Variants in CACNA2D4 observed in about 807,000 individuals in gnomAD.
CACNA2D4 encodes the protein voltage-dependent calcium channel subunit alpha-2/delta-4.
Under a neutral mutation model 163.8 loss-of-function variants are expected in CACNA2D4, and 157 were observed. The observed-to-expected ratio is 0.96, with a 90% CI of 0.84 to 1.09. The LOEUF is 1.09. Among genes scored for constraint, CACNA2D4 ranks in the 50% least tolerant of loss-of-function variants. The pLI, the probability that CACNA2D4 is intolerant of heterozygous loss-of-function variation, is 0.00. For synonymous variants in CACNA2D4, 598 were observed against 586.9 expected, an observed-to-expected ratio of 1.02 and a Z score of -0.27; for missense variants, 1,410 against 1,479.9, an observed-to-expected ratio of 0.95 and a Z score of 0.78.
chr12:1,887,302 C>A (rs1866171701), intron 6 of CACNA2D4, among the ~76,000 whole-genome samples: 1 of 152,168 alleles, frequency 6.6e-6, no homozygotes, highest in Admixed American at 6.5e-5. Context: ...CAGGTAGGAC[C>A]ACATAGGTGG....
chr12:1,881,931 G>A (rs1407140461), intron 13 of CACNA2D4, among the ~76,000 whole-genome samples: 1 of 152,240 alleles, frequency 6.6e-6, no homozygotes, highest in East Asian at 1.9e-4. Context: ...TCAGAAGAAA[G>A]CTGACCATTG....
chr12:1,828,145 C>T lies in CACNA2D4; in HGVS notation c.2551+12594G>A. 3 of 1,540,048 alleles carry T rather than the reference C, an allele frequency of 1.9e-6. No homozygotes were observed. Among genetic ancestry groups the T allele is most frequent in the South Asian group, 1.2e-5 (1 of 82,866 alleles). On this transcript the variant is annotated intron_variant, in intron 26 of 37. Transcript: ENST00000382722. The surrounding 1 kb of genome is among the most constrained non-coding windows in gnomAD (Gnocchi z 4.2). ...ACAGGGCCCGGAGAGCCGTGGGCCT[C>T]ACCATGCTGGCGCCGGGCAGCAGCC... is the stretch of plus-strand genomic sequence containing the variant.
intron 35 of CACNA2D4, among the ~76,000 whole-genome samples, chr12:1,796,846 T>TCCGCGCGG (rs1000190343): frequency 1.3e-5 from 2 of 152,134 alleles, no homozygotes; most frequent in African/African-American, 4.8e-5. Context: ...GAGAGACCCT[T>TCCGCGCGG]CCGCGCGGCC....
At chr12:1,907,085 G>A (rs2470436) in intron 6 of CACNA2D4, among the ~76,000 whole-genome samples, 98,691 of 152,148 alleles carry the variant, frequency 0.65, 32,972 homozygotes, top group Non-Finnish European at 0.73. Context: ...CTCTTGGCGA[G>A]TGCGCCTCAT....
intron 19 of CACNA2D4, among the ~76,000 whole-genome samples, chr12:1,859,356 C>CA (rs917641077): frequency 9.2e-5 from 14 of 151,622 alleles, no homozygotes; most frequent in African/African-American, 3.4e-4. Context: ...GATCCTGTCT[C>CA]AAAAAAAACT....
Position 1,792,489 on chromosome 12 carries a change from T to C in CACNA2D4, c.*1166A>G, listed in dbSNP as rs1343912726. ...CCCCAAAAGCCCTGCATGCTGTCCA[T>C]ACCCATCACTGGGGTTTGTTAAATG... is the stretch of plus-strand genomic sequence containing the variant. On this transcript the variant is annotated 3_prime_UTR_variant, in exon 38 of 38. Coordinates refer to ENST00000382722, the MANE Select transcript of CACNA2D4 (RefSeq NM_172364.5). The C allele has an allele frequency of 1.3e-5, 2 of 152,308 alleles. No homozygotes were observed. The highest frequency in any genetic ancestry group is 4.8e-5 in the African/African-American group (2 of 41,464). 9.4% of individuals were successfully genotyped at this position (152,308 alleles called of 1,614,324 possible). A position where few individuals can be genotyped will look rare whatever the true frequency, so the allele number is the denominator to read the frequency against.
rs1864054698 is a variant in CACNA2D4 at position 1,820,543 on chromosome 12, T to A, written c.2552-8820A>T. The A allele has an allele frequency of 6.6e-6, 1 of 152,304 alleles. No individual in the cohort carries two copies. The highest frequency in any genetic ancestry group is 1.5e-5 in the Non-Finnish European group (1 of 68,134). The allele number at this position is 152,304 out of a possible 1,614,324, so 9.4% of individuals were successfully genotyped here. The stretch of plus-strand genomic sequence containing the variant: ...TCCTCCCTCGCCCCTTTCTTCCCTC[T>A]CTCCTCTCTCTCTCTCCCTCCATCC... On this transcript the variant is annotated intron_variant, in intron 26 of 37. Coordinates refer to ENST00000382722, the MANE Select transcript of CACNA2D4 (RefSeq NM_172364.5). This position sits in a 1 kb window ranked among gnomAD's most constrained non-coding sequence, Gnocchi z 6.0.
rs1001854830 is a variant in CACNA2D4 at position 1,898,567 on chromosome 12, TA to T, written c.781+8872del. On this transcript the variant is annotated intron_variant, in intron 6 of 37. Coordinates refer to ENST00000382722, the MANE Select transcript of CACNA2D4 (RefSeq NM_172364.5). The stretch of plus-strand genomic sequence containing the variant: ...TTAGGATGGCTACTACCAGGAAAAC[TA>T]AAAAAAAACTAAACAAAAAGAAAAC... Among the ~76,000 whole-genome samples, 19 of 68,200 alleles carry T rather than the reference TA, an allele frequency of 2.8e-4. No individual in the cohort carries two copies. In the East Asian group the frequency reaches 9.5e-3, roughly 34 times the overall value. 44.7% of individuals were successfully genotyped at this position (68,200 alleles called of 152,430 possible).
intron 2 of CACNA2D4, among the ~76,000 whole-genome samples, chr12:1,913,580 A>G (rs1049905035): frequency 2.0e-5 from 3 of 152,218 alleles, no homozygotes; most frequent in Non-Finnish European, 4.4e-5. Context: ...CAGAAGAGGC[A>G]TCTTGCTATG....
At chr12:1,855,980 A>G in intron 22 of CACNA2D4, 32 bp downstream of exon 22, 1 of 1,567,690 alleles carries the variant, frequency 6.4e-7, no homozygotes, top group South Asian at 1.1e-5. Flanking sequence ...CCCCAGAGGA[A>G]AAGCTTGCCT....
intron 36 of CACNA2D4, 134 bp from the exon 37 acceptor site, chr12:1,795,515 G>A: frequency 1.0e-6 from 1 of 978,448 alleles, no homozygotes; most frequent in Non-Finnish European, 1.6e-6. Flanking sequence ...GGCAGCACCG[G>A]GGCCCAGGGA....
At position 1,820,997 on chromosome 12, in the gene CACNA2D4, G is replaced by A. The variant is rs896239884; in HGVS notation, c.2552-9274C>T. 7.9e-5 allele frequency among the ~76,000 whole-genome samples: 12 copies of A among 152,232 alleles called. No individual in the cohort carries two copies. The highest frequency in any genetic ancestry group is 2.9e-4 in the African/African-American group (12 of 41,456). On this transcript the variant is annotated intron_variant, in intron 26 of 37. Coordinates refer to ENST00000382722, the MANE Select transcript of CACNA2D4 (RefSeq NM_172364.5). The surrounding 1 kb of genome is among the most constrained non-coding windows in gnomAD (Gnocchi z 6.0). ...GCTCAGGCACCTGAGCATCCCAAAG[G>A]TGCACGACACTGGGAACTCTGAGCC...
At chr12:1,863,205 C>G (rs1212562358) in intron 18 of CACNA2D4, among the ~76,000 whole-genome samples, 1 of 152,178 alleles carries the variant, frequency 6.6e-6, no homozygotes, top group Non-Finnish European at 1.5e-5. Context: ...CAATGACACT[C>G]CAAGGTGTCT....
At chr12:1,821,035 G>C (rs537072889) in intron 26 of CACNA2D4, among the ~76,000 whole-genome samples, 1 of 152,368 alleles carries the variant, frequency 6.6e-6, no homozygotes, top group East Asian at 1.9e-4. Context: ...CAGTGCTGGG[G>C]ACAAGAGCTG....
In CACNA2D4 at chr12:1,793,356, C is replaced by T; in HGVS notation, c.*299G>A. ...CTAAATTATTTTGTCTTGGTCCAAG[C>T]TGAGCTCACGCTGGCTTCCCGAAGA... On this transcript the variant is annotated 3_prime_UTR_variant, in exon 38 of 38. Coordinates refer to ENST00000382722, the MANE Select transcript of CACNA2D4 (RefSeq NM_172364.5). 1 of 482,276 alleles carries T rather than the reference C, an allele frequency of 2.1e-6. No individual in the cohort carries two copies. Among genetic ancestry groups the T allele is most frequent in the East Asian group, 3.6e-5 (1 of 28,044 alleles). The allele number at this position is 482,276 out of a possible 1,614,324, so 29.9% of individuals were successfully genotyped here.
chr12:1,799,960 C>A lies in CACNA2D4; in HGVS notation c.2974+40G>T. 1 of 1,582,598 alleles carries A rather than the reference C, an allele frequency of 6.3e-7. No homozygotes were observed. Among genetic ancestry groups the A allele is most frequent in the Non-Finnish European group, 8.6e-7 (1 of 1,163,684 alleles). ...CTCACGTTAGTGGACCAAAATGCCA[C>A]TGCTCTTCAGCACATGGCCCTGCAG... On this transcript the variant is annotated intron_variant, in intron 33 of 37. Transcript: ENST00000382722. The surrounding 1 kb of genome is among the most constrained non-coding windows in gnomAD (Gnocchi z 4.7).
At chr12:1,848,189 T>C (rs1411646997) in intron 23 of CACNA2D4, among the ~76,000 whole-genome samples, 1 of 152,242 alleles carries the variant, frequency 6.6e-6, no homozygotes, top group Non-Finnish European at 1.5e-5. Flanking sequence ...CCCATAACCA[T>C]TAGCAGTCAT....
intron 6 of CACNA2D4, among the ~76,000 whole-genome samples, chr12:1,900,299 T>G (rs966870204): frequency 3.3e-5 from 5 of 152,162 alleles, no homozygotes; most frequent in African/African-American, 1.2e-4. Context: ...CTAATTTTCA[T>G]TTTTAAAAAA....
rs374485519 is a variant in CACNA2D4, at chr12:1,793,715, C to G, written c.3354G>C (p.Ser1118=). 4.3e-6 allele frequency: 7 copies of G among 1,613,402 alleles called. No individual in the cohort carries two copies. The highest frequency in any genetic ancestry group is 5.9e-6 in the Non-Finnish European group (7 of 1,179,898). ...ACACAGGCAGCAGGAGTAGGGGCGG[C>G]GAGGCTGAGGTGTCCGAGGCGCCGC... is the stretch of plus-strand genomic sequence containing the variant. The part of the protein sequence containing the change: ...DCGGASDTSA[S]PPLLLLPVCA... The change falls in exon 38 of 38, where the codon TCG becomes TCC. Residue 1118 remains serine (S), a synonymous_variant. Coordinates refer to ENST00000382722, the MANE Select transcript of CACNA2D4 (RefSeq NM_172364.5).
Sources: allele counts gnomAD v4.1 joint callset (sites outside exome capture counted in the v4.1 genomes callset), GRCh38; gene constraint gnomAD v4.1.1; non-coding constraint Gnocchi (gnomAD v3.1); transcripts MANE v1.5; gene names NCBI Gene and HGNC (gene_info 2026-07-23, HGNC 2026-07-21).